SLC26A3: variants seen among roughly 807,000 people sequenced by gnomAD.
SLC26A3 encodes chloride anion exchanger.
Under a neutral mutation model 85.6 loss-of-function variants are expected in SLC26A3, and 64 were observed. The ratio of observed to expected loss-of-function variants is 0.75; its 90% CI spans 0.61 to 0.92. SLC26A3 has a LOEUF of 0.92. SLC26A3 is among the 40% of genes least tolerant of loss of function. The pLI, the probability that SLC26A3 is intolerant of heterozygous loss-of-function variation, is 0.00. For missense variants in SLC26A3, 922 were observed against 927.3 expected, an observed-to-expected ratio of 0.99 and a Z score of 0.07; for synonymous variants, 349 against 336.0, an observed-to-expected ratio of 1.04 and a Z score of -0.42.
intron 5 of SLC26A3, 31 bp downstream of exon 5, chr7:107,791,017 A>C (rs1436412247): frequency 6.2e-7 from 1 of 1,607,684 alleles, no homozygotes; most frequent in Admixed American, 1.7e-5. Context: ...GAACAGATTG[A>C]GGTGGGCAAG....
chr7:107,770,878 C>G (rs1021687161), intron 18 of SLC26A3, among the ~76,000 whole-genome samples: 5 of 152,198 alleles, frequency 3.3e-5, no homozygotes, highest in African/African-American at 1.2e-4. Context: ...CGTGCGTACT[C>G]TGTAGATACA....
At chr7:107,775,836 A>G (rs934146927) in intron 15 of SLC26A3, among the ~76,000 whole-genome samples, 4 of 152,208 alleles carry the variant, frequency 2.6e-5, no homozygotes, top group Non-Finnish European at 5.9e-5. Flanking sequence ...AAACAACAAC[A>G]AAAAACTCGG....
intron 1 of SLC26A3, among the ~76,000 whole-genome samples, chr7:107,797,363 G>A (rs1026124959): frequency 1.1e-4 from 17 of 152,078 alleles, no homozygotes; most frequent in South Asian, 8.3e-4. Context: ...GCGTGGTGGC[G>A]GGCACCTGTA....
At chr7:107,773,838 A>T in intron 17 of SLC26A3, 82 bp downstream of exon 17, 3 of 1,186,674 alleles carry the variant, frequency 2.5e-6, no homozygotes, top group Non-Finnish European at 3.7e-6. Context: ...GGCATGAGCC[A>T]CTGTGCCCAG....
chr7:107,776,511 A>G lies in SLC26A3; in HGVS notation c.1618T>C (p.Cys540Arg). Residue 540 changes from cysteine to arginine, a missense_variant, in exon 15 of 21, where the codon TGT (cysteine) becomes CGT (arginine). Physicochemically the swap from Cys to Arg is radical, Grantham distance 180. Coordinates refer to ENST00000340010, the MANE Select transcript of SLC26A3 (RefSeq NM_000111.3). ...YEPEGVKIFR[C>R]PSPIYFANIG... Reference sequence around the variant, plus strand: ...TTTGCAAAGTAGATAGGAGATGGACATCTGAAAATTTTCACTCCTTCTGGC... The same window carrying G: ...TTTGCAAAGTAGATAGGAGATGGACGTCTGAAAATTTTCACTCCTTCTGGC... The G allele has an allele frequency of 6.2e-7, 1 of 1,614,180 alleles. No individual in the cohort carries two copies. The highest frequency in any genetic ancestry group is 8.5e-7 in the Non-Finnish European group (1 of 1,179,990).
At chr7:107,774,406 G>C (rs1299688205) in intron 16 of SLC26A3, among the ~76,000 whole-genome samples, 1 of 152,116 alleles carries the variant, frequency 6.6e-6, no homozygotes, top group African/African-American at 2.4e-5. Flanking sequence ...AAAAAAGTTA[G>C]CCAGGCATGG....
At chr7:107,771,980 G>A in intron 18 of SLC26A3, 74 bp downstream of exon 18, 1 of 954,716 alleles carries the variant, frequency 1.0e-6, no homozygotes, top group Non-Finnish European at 1.7e-6. Context: ...TCTTTGGAGA[G>A]GCTGTCTAGA....
At position 107,786,840 on chromosome 7, in the gene SLC26A3, C is replaced by T. The variant is rs1467858471; in HGVS notation, c.958G>A (p.Asp320Asn). The T allele has an allele frequency of 3.1e-6, 5 of 1,613,652 alleles. No individual in the cohort carries two copies. The highest frequency in any genetic ancestry group is 4.5e-5 in the East Asian group (2 of 44,898). The change falls in exon 8 of 21, where the codon GAC becomes AAC. Residue 320 changes from aspartate (D) to asparagine (N), a missense_variant. Asp to Asn is a conservative substitution (Grantham distance 23, BLOSUM62 1). Coordinates refer to ENST00000340010, the MANE Select transcript of SLC26A3 (RefSeq NM_000111.3). ...AGACACACTTACCCAGGATTCATGT[C>T]CCCAACCACAGCCACTTTAAACCTG... Reference protein sequence around the residue: ...KNRFKVAVVGDMNPGFQPPIT... With the variant: ...KNRFKVAVVGNMNPGFQPPIT...
At position 107,780,083 on chromosome 7, in the gene SLC26A3, A is replaced by G. The variant is rs564302507; in HGVS notation, c.1312-320T>C. Among the ~76,000 whole-genome samples the G allele has an allele frequency of 2.6e-5, 4 of 151,854 alleles. No individual in the cohort carries two copies. The East Asian group carries it at 7.8e-4, about 30-fold the overall frequency. On this transcript the variant is annotated intron_variant, in intron 11 of 20. Transcript: ENST00000340010. ...ACCTTCAGACCTATGACAGACTAAC[A>G]TTTGGAATAAATTCCTCCCAAGCAG... is the stretch of plus-strand genomic sequence containing the variant.
chr7:107,794,457 G>T lies in SLC26A3; in HGVS notation c.53C>A (p.Thr18Lys). 1 of 1,613,892 alleles carries T rather than the reference G, an allele frequency of 6.2e-7. No individual in the cohort carries two copies. Among genetic ancestry groups the T allele is most frequent in the Non-Finnish European group, 8.5e-7 (1 of 1,179,812 alleles). Reference protein sequence around the residue: ...QYIVARPVYSTNAFEENHKKT... With the variant: ...QYIVARPVYSKNAFEENHKKT... ...TTTATGATTTTCCTCAAAAGCATTTGTAGAATACACTGGCCTGGCCACAAT... is the reference window on the plus strand; with the variant it reads ...TTTATGATTTTCCTCAAAAGCATTTTTAGAATACACTGGCCTGGCCACAAT... Residue 18 changes from threonine to lysine, a missense_variant, in exon 2 of 21, where the codon ACA becomes AAA. Thr to Lys is a moderately conservative substitution (Grantham distance 78, BLOSUM62 -1). Transcript: ENST00000340010.
intron 8 of SLC26A3, among the ~76,000 whole-genome samples, chr7:107,784,340 T>A (rs749759231): frequency 6.6e-6 from 1 of 152,208 alleles, no homozygotes; most frequent in African/African-American, 2.4e-5. Context: ...ATAGACAGAA[T>A]GATGTGATGA....
At chr7:107,799,384 C>CT (rs1794564484) in intron 1 of SLC26A3, among the ~76,000 whole-genome samples, 1 of 152,004 alleles carries the variant, frequency 6.6e-6, no homozygotes, top group African/African-American at 2.4e-5. Flanking sequence ...ATTTTCTTTT[C>CT]TTTTCTTTTC....
chr7:107,780,592 T>C (rs546083899), intron 11 of SLC26A3, among the ~76,000 whole-genome samples: 4 of 152,352 alleles, frequency 2.6e-5, no homozygotes, highest in East Asian at 3.9e-4. Flanking sequence ...TATACTGCTA[T>C]ACCATGAAAA....
chr7:107,777,475 A>G (rs987314653), intron 13 of SLC26A3, among the ~76,000 whole-genome samples: 2 of 152,160 alleles, frequency 1.3e-5, no homozygotes, highest in South Asian at 4.1e-4. Context: ...CTATAGTCCC[A>G]GCTACTTGGG....
intron 18 of SLC26A3, among the ~76,000 whole-genome samples, chr7:107,769,140 C>T (rs926675440): frequency 3.9e-5 from 6 of 152,138 alleles, no homozygotes; most frequent in African/African-American, 1.4e-4. Flanking sequence ...AATTTTCACT[C>T]CCACCAACAG....
At chr7:107,772,833 A>C (rs1298616117) in intron 17 of SLC26A3, among the ~76,000 whole-genome samples, 1 of 152,192 alleles carries the variant, frequency 6.6e-6, no homozygotes, top group Non-Finnish European at 1.5e-5. Flanking sequence ...AACAAAAACC[A>C]AAACCAAAAA....
chr7:107,786,918 T>C lies in SLC26A3; in HGVS notation c.889-9A>G, dbSNP rs1794306083. ...CCTGCTGCAATCACGGTCTGCAAAG[T>C]TGCAAATGGCCCAAGTTAGAAATGT... is the stretch of plus-strand genomic sequence containing the variant. On this transcript the variant is annotated splice_polypyrimidine_tract_variant and intron_variant, in intron 7 of 20. Transcript: ENST00000340010. 1.2e-6 allele frequency: 2 copies of C among 1,612,864 alleles called. No individual in the cohort carries two copies. The highest frequency in any genetic ancestry group is 1.7e-6 in the Non-Finnish European group (2 of 1,179,278).
Position 107,787,442 on chromosome 7 carries a change from A to G in SLC26A3, c.803T>C (p.Val268Ala). ...NIADLVTALI[V>A]LLVVSIVKEI... The stretch of plus-strand genomic sequence containing the variant: ...TTTAACAATGGATACAACCAAAAGG[A>G]CAATCAGAGCTGTCACCAGGTCTGC... The change falls in exon 7 of 21, where the codon GTC becomes GCC. Residue 268 changes from valine (V) to alanine (A), a missense_variant. Physicochemically the swap from Val to Ala is moderately conservative, Grantham distance 64 (BLOSUM62 0). Transcript: ENST00000340010. 6.2e-7 allele frequency: 1 copy of G among 1,613,902 alleles called. No homozygotes were observed. The highest frequency in any genetic ancestry group is 8.5e-7 in the Non-Finnish European group (1 of 1,179,810).
At chr7:107,791,005 A>C in intron 5 of SLC26A3, 43 bp downstream of exon 5, 1 of 1,596,510 alleles carries the variant, frequency 6.3e-7, no homozygotes, top group South Asian at 1.1e-5. Flanking sequence ...AACAGTCAAG[A>C]TGAACAGATT....
Sources: gnomAD v4.1 joint callset for allele counts (sites outside exome capture counted in the v4.1 genomes callset) on GRCh38, gnomAD v4.1.1 for gene constraint, MANE v1.5 for transcripts, NCBI Gene and HGNC (gene_info 2026-07-23, HGNC 2026-07-21) for gene names.